CDH11: variants seen among roughly 807,000 people sequenced by gnomAD.
CDH11 encodes cadherin-11.
Under a neutral mutation model 67.8 loss-of-function variants are expected in CDH11, and 11 were observed. The observed-to-expected ratio is 0.16, with a 90% CI of 0.10 to 0.27. The LOEUF (loss-of-function observed/expected upper bound fraction) is 0.27. Ranked by LOEUF, CDH11 falls within the 10% of genes least tolerant of loss-of-function variation. CDH11 has a pLI of 1.00. For synonymous variants in CDH11, 419 were observed against 400.0 expected (o/e 1.05, Z -0.57); for missense variants, 847 against 1,031.2 (o/e 0.82, Z 2.45).
At chr16:65,052,522 T>C (rs1264705593) in intron 2 of CDH11, among the ~76,000 whole-genome samples, 1 of 152,122 alleles carries the variant, frequency 6.6e-6, no homozygotes, top group Non-Finnish European at 1.5e-5. Flanking sequence ...CTAGAGTGGA[T>C]GTATATAATA....
At position 65,066,977 on chromosome 16, in the gene CDH11, T is replaced by G. The variant is rs576354617; in HGVS notation, c.-297-13049A>C. 2.6e-5 allele frequency among the ~76,000 whole-genome samples: 4 copies of G among 152,318 alleles called. No homozygotes were observed. The South Asian group carries it at 8.3e-4, about 32-fold the overall frequency. On this transcript the variant is annotated intron_variant, in intron 1 of 12. Coordinates refer to ENST00000268603, the MANE Select transcript of CDH11 (RefSeq NM_001797.4). ...TCTAATCTAGTGATTTTACTAACTG[T>G]TCTTGGCAAACAGTGGTATTCCTGG...
chr16:64,976,402 CA>C (rs376958329), intron 8 of CDH11, among the ~76,000 whole-genome samples: 12 of 147,650 alleles, frequency 8.1e-5, no homozygotes, highest in East Asian at 6.0e-4. Context: ...CAGTCTGAGA[CA>C]AAAAAAAACA....
intron 1 of CDH11, among the ~76,000 whole-genome samples, chr16:65,055,169 C>T (rs1362762696): frequency 4.6e-5 from 7 of 152,168 alleles, no homozygotes; most frequent in African/African-American, 1.7e-4. Flanking sequence ...AGGAAGGACC[C>T]TGCTTGTCAA....
chr16:64,951,923 GC>G (rs2071373011), intron 11 of CDH11, among the ~76,000 whole-genome samples: 1 of 151,968 alleles, frequency 6.6e-6, no homozygotes, highest in South Asian at 2.1e-4. Context: ...GAAGTTTGTT[GC>G]TCACATAACA....
intron 1 of CDH11, among the ~76,000 whole-genome samples, chr16:65,091,304 C>T (rs1370822793): frequency 6.6e-6 from 1 of 152,170 alleles, no homozygotes; most frequent in East Asian, 1.9e-4. Flanking sequence ...ATATTTCCAC[C>T]TATTTATTTA....
At chr16:65,048,019 C>A (rs906138189) in intron 2 of CDH11, among the ~76,000 whole-genome samples, 4 of 152,190 alleles carry the variant, frequency 2.6e-5, no homozygotes, top group Non-Finnish European at 5.9e-5. Context: ...AAGAGGGGTT[C>A]TTTGGAAGCA....
At chr16:65,044,476 G>T (rs530183348) in intron 2 of CDH11, among the ~76,000 whole-genome samples, 4 of 152,012 alleles carry the variant, frequency 2.6e-5, no homozygotes, top group African/African-American at 9.7e-5. Flanking sequence ...TAATGGAAAA[G>T]GGGGCTCATG....
At chr16:65,101,352 T>G (rs1052954836) in intron 1 of CDH11, among the ~76,000 whole-genome samples, 1 of 152,222 alleles carries the variant, frequency 6.6e-6, no homozygotes, top group East Asian at 1.9e-4. Context: ...TGACCTCACC[T>G]GTGATGCTAG....
intron 1 of CDH11, among the ~76,000 whole-genome samples, chr16:65,118,501 C>A (rs528472124): frequency 6.6e-6 from 1 of 152,226 alleles, no homozygotes; most frequent in Admixed American, 6.5e-5. Flanking sequence ...ATTTCAGAGG[C>A]AATAACTTTA....
chr16:65,111,657 C>A (rs974385667), intron 1 of CDH11, among the ~76,000 whole-genome samples: 41 of 143,468 alleles, frequency 2.9e-4, no homozygotes, highest in African/African-American at 1.1e-3. Context: ...CAGTCCTTTC[C>A]TCTGAGGAAA....
intron 1 of CDH11, among the ~76,000 whole-genome samples, chr16:65,059,243 C>T (rs1027900384): frequency 6.6e-6 from 1 of 152,180 alleles, no homozygotes; most frequent in African/African-American, 2.4e-5. Flanking sequence ...ATCTTCAAGG[C>T]TGGCTCCTTA....
intron 2 of CDH11, among the ~76,000 whole-genome samples, chr16:65,045,367 A>G (rs1024709236): frequency 3.2e-5 from 4 of 123,492 alleles, no homozygotes; most frequent in African/African-American, 6.1e-5. Flanking sequence ...ATATATATAT[A>G]TATATGAACT....
intron 2 of CDH11, among the ~76,000 whole-genome samples, chr16:65,029,504 C>A (rs913898727): frequency 6.6e-6 from 1 of 152,010 alleles, no homozygotes; most frequent in East Asian, 1.9e-4. Context: ...GGTCTTGATA[C>A]AAAGATGTGA....
At chr16:65,002,507 C>T (rs1328820139) in intron 3 of CDH11, among the ~76,000 whole-genome samples, 1 of 152,216 alleles carries the variant, frequency 6.6e-6, no homozygotes, top group Non-Finnish European at 1.5e-5. Context: ...TTCCATATGC[C>T]AATTATTTCC....
At chr16:65,068,258 G>A (rs1040915261) in intron 1 of CDH11, among the ~76,000 whole-genome samples, 1 of 151,840 alleles carries the variant, frequency 6.6e-6, no homozygotes, top group Admixed American at 6.6e-5. Flanking sequence ...GCAAGATAAA[G>A]TAATCAGGTG....
At chr16:65,033,263 C>T (rs1050022254) in intron 2 of CDH11, among the ~76,000 whole-genome samples, 2 of 144,928 alleles carry the variant, frequency 1.4e-5, no homozygotes, top group African/African-American at 5.0e-5. Flanking sequence ...CACACACACA[C>T]ACACACACAT....
intron 2 of CDH11, among the ~76,000 whole-genome samples, chr16:65,033,540 C>G (rs12447201): frequency 6.6e-6 from 1 of 151,774 alleles, no homozygotes; most frequent in South Asian, 2.1e-4. Context: ...GGAGACAGGC[C>G]ATCCTGGCCA....
chr16:65,120,269 G>A (rs117224528), intron 1 of CDH11, among the ~76,000 whole-genome samples: 2 of 152,244 alleles, frequency 1.3e-5, no homozygotes, highest in Non-Finnish European at 2.9e-5. Flanking sequence ...ATGTGCTCAT[G>A]CGATGCTACA....
chr16:64,996,031 A>C (rs916597550), intron 4 of CDH11, among the ~76,000 whole-genome samples: 3 of 152,244 alleles, frequency 2.0e-5, no homozygotes, highest in Non-Finnish European at 4.4e-5. Context: ...AATGAAACCC[A>C]TAATGAGAAA....
Sources: allele counts gnomAD v4.1 joint callset (sites outside exome capture counted in the v4.1 genomes callset), GRCh38; gene constraint gnomAD v4.1.1; transcripts MANE v1.5; gene names NCBI Gene and HGNC (gene_info 2026-07-23, HGNC 2026-07-21).